Variants in HSD11B1 observed in about 807,000 individuals in gnomAD.
HSD11B1 encodes the protein 11-beta-hydroxysteroid dehydrogenase 1.
Under a neutral mutation model 22.1 loss-of-function variants are expected in HSD11B1, and 15 were observed. The ratio of observed to expected loss-of-function variants is 0.68; its 90% CI spans 0.45 to 1.04. The LOEUF is 1.04. Ranked by LOEUF, HSD11B1 falls within the 50% of genes least tolerant of loss-of-function variation. HSD11B1 has a pLI of 0.00. For missense variants in HSD11B1, 281 were observed against 357.6 expected (o/e 0.79, Z 1.73); for synonymous variants, 122 against 125.2 (o/e 0.97, Z 0.17).
upstream of HSD11B1, among the ~76,000 whole-genome samples, chr1:209,704,169 C>T (rs907551418): frequency 2.0e-5 from 3 of 152,066 alleles, no homozygotes; most frequent in African/African-American, 7.2e-5. Context: ...AGTTTAGTGC[C>T]TTTTTTGTCA....
At chr1:209,717,855 G>A (rs1386730056) in intron 4 of HSD11B1, among the ~76,000 whole-genome samples, 3 of 144,726 alleles carry the variant, frequency 2.1e-5, no homozygotes, top group Non-Finnish European at 4.5e-5. Context: ...CTGGGAGACA[G>A]GGTTAGACTC....
chr1:209,711,905 G>T (rs2076898407), intron 4 of HSD11B1, among the ~76,000 whole-genome samples: 1 of 152,092 alleles, frequency 6.6e-6, no homozygotes, highest in African/African-American at 2.4e-5. Context: ...TGACAATTTA[G>T]TGCAGGTTGA....
At chr1:209,686,821 G>A (rs1037258086) in intron 1 of HSD11B1, among the ~76,000 whole-genome samples, 6 of 152,162 alleles carry the variant, frequency 3.9e-5, no homozygotes, top group African/African-American at 1.4e-4. Context: ...GTGTTGAAAA[G>A]GCTCATTTTA....
intron 4 of HSD11B1, among the ~76,000 whole-genome samples, chr1:209,732,069 A>G (rs1295161118): frequency 1.3e-5 from 2 of 152,172 alleles, no homozygotes; most frequent in Non-Finnish European, 2.9e-5. Flanking sequence ...CATTGCCAAC[A>G]GGTCACCAAG....
intron 4 of HSD11B1, among the ~76,000 whole-genome samples, chr1:209,726,224 T>C (rs981464897): frequency 1.5e-5 from 2 of 129,184 alleles, no homozygotes; most frequent in African/African-American, 6.1e-5. Flanking sequence ...TAGGTTGCAG[T>C]GAGCCAAGAT....
At chr1:209,697,551 T>A (rs566526603) in intron 1 of HSD11B1, among the ~76,000 whole-genome samples, 104 of 152,328 alleles carry the variant, frequency 6.8e-4, no homozygotes, top group African/African-American at 2.5e-3. Context: ...ATGGAGAGCA[T>A]TTCAATGGTG....
chr1:209,702,840 TAC>T (rs1352962968), upstream of HSD11B1, among the ~76,000 whole-genome samples: 1 of 152,252 alleles, frequency 6.6e-6, no homozygotes, highest in Non-Finnish European at 1.5e-5. Context: ...CAACTACCAT[TAC>T]ACAGTGTCCT....
intron 4 of HSD11B1, 41 bp downstream of exon 4, chr1:209,707,169 A>C: frequency 6.5e-7 from 1 of 1,537,006 alleles, no homozygotes; most frequent in African/African-American, 1.4e-5. Context: ...AGAAGAAAAA[A>C]AAAAATGCCA....
chr1:209,720,117 GT>G (rs913758008), intron 4 of HSD11B1, among the ~76,000 whole-genome samples: 53 of 151,980 alleles, frequency 3.5e-4, no homozygotes, highest in Non-Finnish European at 5.9e-4. Flanking sequence ...GGTTAAGATA[GT>G]TTTTTTTAAG....
At chr1:209,705,385 A>C (rs904850091) in intron 1 of HSD11B1, among the ~76,000 whole-genome samples, 6 of 152,020 alleles carry the variant, frequency 3.9e-5, no homozygotes, top group South Asian at 2.1e-4. Context: ...AAAAAAAAAA[A>C]AAAAAAACTG....
chr1:209,725,128 A>T (rs2102394742), intron 4 of HSD11B1, among the ~76,000 whole-genome samples: 1 of 152,314 alleles, frequency 6.6e-6, no homozygotes, highest in African/African-American at 2.4e-5. Context: ...ATGCTGTCTT[A>T]CAGGCTGCCT....
At chr1:209,716,750 C>T (rs2076932860) in intron 4 of HSD11B1, among the ~76,000 whole-genome samples, 1 of 151,952 alleles carries the variant, frequency 6.6e-6, no homozygotes, top group African/African-American at 2.4e-5. Context: ...CAGAAATAAA[C>T]CGATGTATTC....
At chr1:209,704,441 C>T (rs1258573943), upstream of HSD11B1, among the ~76,000 whole-genome samples, 1 of 147,048 alleles carries the variant, frequency 6.8e-6, no homozygotes, top group African/African-American at 2.5e-5. Context: ...TTTTTAATTG[C>T]TTCCCACTGG....
intron 1 of HSD11B1, among the ~76,000 whole-genome samples, chr1:209,689,227 C>T (rs1407037557): frequency 6.6e-6 from 1 of 152,106 alleles, no homozygotes; most frequent in Non-Finnish European, 1.5e-5. Flanking sequence ...TAGCTCTACC[C>T]CTCTCCACCC....
intron 1 of HSD11B1, among the ~76,000 whole-genome samples, chr1:209,686,882 A>C (rs905606905): frequency 1.3e-5 from 2 of 152,234 alleles, no homozygotes; most frequent in African/African-American, 4.8e-5. Context: ...CGTGTCCATC[A>C]AAATTCTTCA....
At chr1:209,716,157 CAT>C (rs1368403921) in intron 4 of HSD11B1, among the ~76,000 whole-genome samples, 3 of 152,148 alleles carry the variant, frequency 2.0e-5, no homozygotes, top group African/African-American at 7.2e-5. Flanking sequence ...CACTCATTCA[CAT>C]GACATGATTT....
intron 1 of HSD11B1, among the ~76,000 whole-genome samples, chr1:209,696,900 A>G (rs3920499): frequency 0.96 from 146,507 of 152,378 alleles, 70,692 homozygotes; most frequent in African/African-American, 0.99. Flanking sequence ...GCCTGGCAGG[A>G]AGAGTGAAGT....
intron 4 of HSD11B1, among the ~76,000 whole-genome samples, chr1:209,728,844 C>T (rs1051379396): frequency 1.3e-5 from 2 of 152,190 alleles, no homozygotes; most frequent in Non-Finnish European, 2.9e-5. Flanking sequence ...ACAAAATTTT[C>T]TTCAAATCTC....
intron 4 of HSD11B1, among the ~76,000 whole-genome samples, chr1:209,713,463 T>C (rs576093490): frequency 7.2e-5 from 11 of 152,342 alleles, no homozygotes; most frequent in Non-Finnish European, 7.3e-5. Context: ...GTTTTTTCCA[T>C]TGCTTTGTGC....
Sources: gnomAD v4.1 joint callset for allele counts (sites outside exome capture counted in the v4.1 genomes callset) on GRCh38, gnomAD v4.1.1 for gene constraint, MANE v1.5 for transcripts, NCBI Gene and HGNC (gene_info 2026-07-23, HGNC 2026-07-21) for gene names.